Variants in ARHGEF38 observed in about 807,000 individuals in gnomAD.
The protein encoded by ARHGEF38 is Rho guanine nucleotide exchange factor 38.
In ARHGEF38, 79 loss-of-function variants were observed where a neutral mutation model predicts 79.9. The observed-to-expected ratio is 0.99, with a 90% CI of 0.82 to 1.19. ARHGEF38 has a LOEUF of 1.19. ARHGEF38 is among the 50% of genes most tolerant of loss of function. The pLI is 0.00. For missense variants in ARHGEF38, 962 were observed against 907.2 expected (o/e 1.06, Z -0.78); for synonymous variants, 366 against 328.3 (o/e 1.11, Z -1.24).
At position 105,552,902 on chromosome 4, in the gene ARHGEF38, A is replaced by G. The variant is rs768788367; in HGVS notation, c.137A>G (p.His46Arg). The change falls in exon 1 of 14, where the codon CAC becomes CGC. Residue 46 changes from histidine (H) to arginine (R), a missense_variant. Transcript: ENST00000420470. ...GTTGAGAGCAGTGTTTCTGGGGACC[A>G]CTCTGGCACCTTGAGGAGGAGCCAA... ...TVVESSVSGDHSGTLRRSQSD... is the reference protein window; with the variant it reads ...TVVESSVSGDRSGTLRRSQSD... 6.2e-7 allele frequency: 1 copy of G among 1,613,800 alleles called. No homozygotes were observed. The highest frequency in any genetic ancestry group is 1.7e-5 in the Admixed American group (1 of 59,966).
intron 3 of ARHGEF38, among the ~76,000 whole-genome samples, chr4:105,615,334 C>A (rs1026053893): frequency 6.6e-6 from 1 of 152,118 alleles, no homozygotes; most frequent in Non-Finnish European, 1.5e-5. Flanking sequence ...TAGGTCTGAA[C>A]AGCATGCAGA....
chr4:105,663,935 A>C (rs1190030623), intron 10 of ARHGEF38, among the ~76,000 whole-genome samples: 1 of 150,576 alleles, frequency 6.6e-6, no homozygotes, highest in Admixed American at 6.7e-5. Flanking sequence ...GCACTATTGC[A>C]CTCCAGCCTG....
chr4:105,641,298 C>A (rs959333257), intron 5 of ARHGEF38, among the ~76,000 whole-genome samples: 1 of 152,074 alleles, frequency 6.6e-6, no homozygotes, highest in Non-Finnish European at 1.5e-5. Context: ...CATGGGTAAC[C>A]AGTGACTGTA....
At position 105,600,682 on chromosome 4, in the gene ARHGEF38, T is replaced by C. The variant is rs1198907772; in HGVS notation, c.384+11247T>C. On this transcript the variant is annotated intron_variant, in intron 2 of 13. Coordinates refer to ENST00000420470, the MANE Select transcript of ARHGEF38 (RefSeq NM_001242729.2). Reference sequence around the variant, plus strand: ...GTTTCTCCAATTCCCCACTCAAATCTCTACTTAATTGTCTACAAGCCATCT... The same window carrying C: ...GTTTCTCCAATTCCCCACTCAAATCCCTACTTAATTGTCTACAAGCCATCT... 5.3e-5 allele frequency among the ~76,000 whole-genome samples: 8 copies of C among 152,246 alleles called. No homozygotes were observed. In the East Asian group the frequency reaches 1.5e-3, roughly 29 times the overall value.
intron 7 of ARHGEF38, among the ~76,000 whole-genome samples, chr4:105,648,962 T>A (rs1341032178): frequency 2.0e-5 from 3 of 151,924 alleles, no homozygotes; most frequent in Non-Finnish European, 4.4e-5. Flanking sequence ...GACACGGACA[T>A]GGGACATAAG....
chr4:105,606,129 G>A (rs959517480), intron 2 of ARHGEF38, among the ~76,000 whole-genome samples: 6 of 152,048 alleles, frequency 3.9e-5, no homozygotes, highest in African/African-American at 1.4e-4. Flanking sequence ...ATCAGATGAT[G>A]GCCAAGGAGA....
intron 2 of ARHGEF38, among the ~76,000 whole-genome samples, chr4:105,606,508 A>C (rs1728046955): frequency 6.6e-6 from 1 of 152,122 alleles, no homozygotes; most frequent in African/African-American, 2.4e-5. Flanking sequence ...AGAAGAAAAA[A>C]GCAATGTTTA....
chr4:105,642,470 A>C (rs1245994122), intron 5 of ARHGEF38, among the ~76,000 whole-genome samples: 1 of 152,218 alleles, frequency 6.6e-6, no homozygotes, highest in Non-Finnish European at 1.5e-5. Context: ...AATAAAAAGT[A>C]ATGATACAAT....
chr4:105,639,900 C>A (rs1729550128), intron 5 of ARHGEF38, among the ~76,000 whole-genome samples: 1 of 151,784 alleles, frequency 6.6e-6, no homozygotes, highest in East Asian at 1.9e-4. Flanking sequence ...GATATATAGC[C>A]CTGTTTCAAT....
rs1731037182 is a variant in ARHGEF38 at position 105,673,903 on chromosome 4, G to A, written c.2149-3849G>A. 2.0e-5 allele frequency among the ~76,000 whole-genome samples: 3 copies of A among 152,108 alleles called. No homozygotes were observed. The South Asian group carries it at 6.2e-4, about 31-fold the overall frequency. On this transcript the variant is annotated intron_variant, in intron 13 of 13. Transcript: ENST00000420470. ...CTCCTGAAGGGTAAGAGAGAATAAT[G>A]AGCATTTTTCATGCAATACAACTAC...
Position 105,678,190 on chromosome 4 carries a change from A to G in ARHGEF38, c.*253A>G, listed in dbSNP as rs1195449036. 6 of 321,864 alleles carry G rather than the reference A, an allele frequency of 1.9e-5. No homozygotes were observed. Among genetic ancestry groups the G allele is most frequent in the Non-Finnish European group, 3.4e-5 (6 of 178,774 alleles). The allele number at this position is 321,864 out of a possible 1,614,324, so 19.9% of individuals were successfully genotyped here. ...ATGACCCAAGCTTCAACTATCAACT[A>G]TTTAAAAGTGAAGATCTTTTGAAGG... On this transcript the variant is annotated 3_prime_UTR_variant, in exon 14 of 14. Transcript: ENST00000420470.
At chr4:105,672,625 G>A (rs554541969) in intron 13 of ARHGEF38, among the ~76,000 whole-genome samples, 101 of 152,304 alleles carry the variant, frequency 6.6e-4, no homozygotes, top group African/African-American at 2.4e-3. Context: ...CACAAATTTG[G>A]TGGCTTAAAA....
chr4:105,566,567 C>A (rs116454559), intron 1 of ARHGEF38, among the ~76,000 whole-genome samples: 4,338 of 152,036 alleles, frequency 0.029, 220 homozygotes, highest in African/African-American at 0.097. Flanking sequence ...TACAAATAAC[C>A]CAGTTATACT....
chr4:105,647,405 C>G (rs1729891898), intron 6 of ARHGEF38, among the ~76,000 whole-genome samples: 1 of 151,458 alleles, frequency 6.6e-6, no homozygotes. Flanking sequence ...TTAATATTGC[C>G]TTCTTTTTAA....
At position 105,561,528 on chromosome 4, in the gene ARHGEF38, TAGAATA is replaced by T. The variant is rs1725622895; in HGVS notation, c.196+8568_196+8573del. On this transcript the variant is annotated intron_variant, in intron 1 of 13. Coordinates refer to ENST00000420470, the MANE Select transcript of ARHGEF38 (RefSeq NM_001242729.2). ...TAGAATAGAATAGAATAGAATAGAA[TAGAATA>T]GAATAGAAAAGTTTCTTTCCCCAGA... 2 of 148,050 alleles carry T rather than the reference TAGAATA, an allele frequency of 1.4e-5. 1 individual carries two copies. The allele number at this position is 148,050 out of a possible 1,614,324, so 9.2% of individuals were successfully genotyped here.
chr4:105,608,707 T>A (rs1463960580), intron 2 of ARHGEF38, among the ~76,000 whole-genome samples: 1 of 152,052 alleles, frequency 6.6e-6, no homozygotes, highest in Admixed American at 6.6e-5. Context: ...TCTTTTTTTT[T>A]AACTTTTATT....
Position 105,645,169 on chromosome 4 carries a change from T to C in ARHGEF38, c.675-19T>C, listed in dbSNP as rs1472065179. 6 of 1,347,674 alleles carry C rather than the reference T, an allele frequency of 4.5e-6. No individual in the cohort carries two copies. Among genetic ancestry groups the C allele is most frequent in the Non-Finnish European group, 5.7e-6 (6 of 1,043,602 alleles). The allele number at this position is 1,347,674 out of a possible 1,614,324, so 83.5% of individuals were successfully genotyped here. A position where few individuals can be genotyped will look rare whatever the true frequency, so the allele number is the denominator to read the frequency against. On this transcript the variant is annotated intron_variant, in intron 5 of 13. Coordinates refer to ENST00000420470, the MANE Select transcript of ARHGEF38 (RefSeq NM_001242729.2). ...AAAACATATGTTTGTGAAACTGATATTATTTATCTGTATTGTAGAGGCAAA... is the reference window on the plus strand; with the variant it reads ...AAAACATATGTTTGTGAAACTGATACTATTTATCTGTATTGTAGAGGCAAA...
In ARHGEF38 at chr4:105,589,293, C is replaced by G. The variant is rs781348808; in HGVS notation, c.242C>G (p.Thr81Ser). The part of the protein sequence containing the change: ...QGECSVAETL[T>S]PEEEHHMKRM... Reference sequence around the variant, plus strand: ...GAGTGTTCTGTAGCTGAGACCTTAACCCCAGAGGAAGAGCATCATATGAAG... The same window carrying G: ...GAGTGTTCTGTAGCTGAGACCTTAAGCCCAGAGGAAGAGCATCATATGAAG... The change falls in exon 2 of 14, where the codon ACC becomes AGC. Residue 81 changes from threonine to serine, a missense_variant. Coordinates refer to ENST00000420470, the MANE Select transcript of ARHGEF38 (RefSeq NM_001242729.2). 1 of 1,613,976 alleles carries G rather than the reference C, an allele frequency of 6.2e-7. No individual in the cohort carries two copies. Among genetic ancestry groups the G allele is most frequent in the South Asian group, 1.1e-5 (1 of 91,066 alleles).
intron 1 of ARHGEF38, among the ~76,000 whole-genome samples, chr4:105,588,818 G>A (rs1195888654): frequency 3.3e-5 from 5 of 151,990 alleles, no homozygotes; most frequent in African/African-American, 9.7e-5. Context: ...GAGAATGAGA[G>A]GTAATTGTTT....
Sources: allele counts gnomAD v4.1 joint callset (sites outside exome capture counted in the v4.1 genomes callset), GRCh38; gene constraint gnomAD v4.1.1; transcripts MANE v1.5; gene names NCBI Gene and HGNC (gene_info 2026-07-23, HGNC 2026-07-21).